Variants in PDSS2 observed in about 807,000 individuals in gnomAD.
PDSS2 encodes all trans-polyprenyl-diphosphate synthase PDSS2.
Under a neutral mutation model 44.5 loss-of-function variants are expected in PDSS2, and 31 were observed. The observed-to-expected ratio is 0.70, with a 90% confidence interval of 0.52 to 0.94. PDSS2 has a LOEUF of 0.94. Ranked by LOEUF, PDSS2 falls within the 40% of genes least tolerant of loss-of-function variation. The pLI is 0.00. For missense variants in PDSS2, 452 were observed against 482.2 expected, an observed-to-expected ratio of 0.94 and a Z score of 0.59; for synonymous variants, 157 against 180.3, an observed-to-expected ratio of 0.87 and a Z score of 1.03.
At chr6:107,347,320 T>C (rs951318531) in intron 1 of PDSS2, among the ~76,000 whole-genome samples, 2 of 141,294 alleles carry the variant, frequency 1.4e-5, no homozygotes, top group African/African-American at 2.7e-5. Context: ...TGGAGTGCAG[T>C]GGCGCGGTCT....
chr6:107,246,302 T>C (rs1774612866), intron 3 of PDSS2, among the ~76,000 whole-genome samples: 1 of 152,124 alleles, frequency 6.6e-6, no homozygotes, highest in African/African-American at 2.4e-5. Flanking sequence ...GTAAATGGTC[T>C]CTTTGGAACT....
At chr6:107,351,681 C>A (rs1778438485) in intron 1 of PDSS2, among the ~76,000 whole-genome samples, 1 of 152,116 alleles carries the variant, frequency 6.6e-6, no homozygotes, top group South Asian at 2.1e-4. Context: ...GTGCAAGCTA[C>A]TGCCTACATA....
At chr6:107,382,216 G>A (rs957839466) in intron 1 of PDSS2, among the ~76,000 whole-genome samples, 2 of 152,100 alleles carry the variant, frequency 1.3e-5, no homozygotes, top group African/African-American at 4.8e-5. Flanking sequence ...GTCAGGTGCG[G>A]GAGGTAAACA....
At chr6:107,310,337 T>C (rs1777003298) in intron 2 of PDSS2, among the ~76,000 whole-genome samples, 1 of 146,020 alleles carries the variant, frequency 6.8e-6, no homozygotes, top group South Asian at 2.2e-4. Context: ...TAAGACTCCC[T>C]CTCCCTGAGA....
intron 4 of PDSS2, among the ~76,000 whole-genome samples, chr6:107,244,029 G>A (rs1174396198): frequency 6.6e-6 from 1 of 152,216 alleles, no homozygotes; most frequent in Non-Finnish European, 1.5e-5. Flanking sequence ...TTGGGAGGCC[G>A]AGGCAGGATA....
At chr6:107,295,974 G>T (rs1776495727) in intron 2 of PDSS2, among the ~76,000 whole-genome samples, 1 of 152,120 alleles carries the variant, frequency 6.6e-6, no homozygotes, top group African/African-American at 2.4e-5. Flanking sequence ...TCAAGTAAGG[G>T]TATGTGAATT....
At chr6:107,327,632 T>C (rs1777589534) in intron 2 of PDSS2, among the ~76,000 whole-genome samples, 1 of 152,176 alleles carries the variant, frequency 6.6e-6, no homozygotes, top group South Asian at 2.1e-4. Context: ...AATTTTTTTG[T>C]ATTTTTAGTA....
At chr6:107,449,030 T>G (rs1024333145) in intron 1 of PDSS2, among the ~76,000 whole-genome samples, 7 of 152,200 alleles carry the variant, frequency 4.6e-5, no homozygotes, top group Non-Finnish European at 7.3e-5. Context: ...CAAGAGGAGA[T>G]TTGGGTGGGG....
At chr6:107,168,544 G>A (rs546799313) in intron 7 of PDSS2, among the ~76,000 whole-genome samples, 3 of 151,324 alleles carry the variant, frequency 2.0e-5, no homozygotes, top group Admixed American at 6.6e-5. Context: ...TATTTTGCTC[G>A]TTACTGGATG....
intron 1 of PDSS2, among the ~76,000 whole-genome samples, chr6:107,442,250 C>T (rs1174955590): frequency 3.3e-5 from 5 of 152,048 alleles, no homozygotes; most frequent in Non-Finnish European, 7.4e-5. Context: ...AACCCTATCT[C>T]TACTAAAAAT....
At chr6:107,245,444 AAGCCATGTACAATTTAAACAC>A in intron 4 of PDSS2, 83 bp downstream of exon 4, 1 of 394,862 alleles carries the variant, frequency 2.5e-6, no homozygotes, top group African/African-American at 2.2e-5. Context: ...AAAAAAAAAA[AAGCCATGTACAATTTAAACAC>A]AAAACAAGAA....
At position 107,334,335 on chromosome 6, in the gene PDSS2, GCCAACAAGC is replaced by G; in HGVS notation, c.297-12_297-4del. ...TCCAGCTGTCATGTACAAGCCCCCT[GCCAACAAGC>G]AAAGAAGGAAGAGGATTAATATACC... On this transcript the variant is annotated splice_region_variant and splice_polypyrimidine_tract_variant and intron_variant, in intron 1 of 7. Coordinates refer to ENST00000369037, the MANE Select transcript of PDSS2 (RefSeq NM_020381.4). 6.2e-7 allele frequency: 1 copy of G among 1,612,998 alleles called. No homozygotes were observed.
At chr6:107,301,009 A>G (rs1265231924) in intron 2 of PDSS2, among the ~76,000 whole-genome samples, 1 of 152,166 alleles carries the variant, frequency 6.6e-6, no homozygotes, top group African/African-American at 2.4e-5. Context: ...TGAAAGAGAA[A>G]TTTGTAGATG....
At chr6:107,438,773 C>T (rs112465030) in intron 1 of PDSS2, among the ~76,000 whole-genome samples, 1 of 152,164 alleles carries the variant, frequency 6.6e-6, no homozygotes, top group African/African-American at 2.4e-5. Context: ...TTTGAGCTAA[C>T]ATTAATTCTT....
In PDSS2 at chr6:107,458,048, T is replaced by C. The variant is rs556179030; in HGVS notation, c.296+942A>G. 4.0e-4 allele frequency among the ~76,000 whole-genome samples: 61 copies of C among 152,308 alleles called. No individual in the cohort carries two copies. The East Asian group carries it at 0.01, about 26-fold the overall frequency. The stretch of plus-strand genomic sequence containing the variant: ...TGTGTATATGTATTTAATGTATATA[T>C]TGACATATATAGACATATCTACGTA... On this transcript the variant is annotated intron_variant, in intron 1 of 7. Coordinates refer to ENST00000369037, the MANE Select transcript of PDSS2 (RefSeq NM_020381.4).
chr6:107,381,841 A>T (rs966325855), intron 1 of PDSS2, among the ~76,000 whole-genome samples: 1 of 152,254 alleles, frequency 6.6e-6, no homozygotes, highest in African/African-American at 2.4e-5. Context: ...TAAGATAAAA[A>T]GAGCTTATTG....
At chr6:107,173,572 CAAAAAAA>C (rs71012783) in intron 7 of PDSS2, among the ~76,000 whole-genome samples, 4 of 41,508 alleles carry the variant, frequency 9.6e-5, no homozygotes, top group Admixed American at 4.6e-4. Flanking sequence ...GACTCTGTCT[CAAAAAAA>C]AAAAAAAAAA....
chr6:107,331,654 G>C (rs1777715375), intron 2 of PDSS2, among the ~76,000 whole-genome samples: 2 of 152,224 alleles, frequency 1.3e-5, no homozygotes, highest in Admixed American at 1.3e-4. Context: ...TACACTTTGA[G>C]ATAAAAATGG....
intron 2 of PDSS2, among the ~76,000 whole-genome samples, chr6:107,287,206 ACATAC>A (rs1244224824): frequency 2.0e-5 from 3 of 152,214 alleles, no homozygotes; most frequent in African/African-American, 7.2e-5. Context: ...AAGCCCACAG[ACATAC>A]AATTTGGCAA....
Sources: gnomAD v4.1 joint callset for allele counts (sites outside exome capture counted in the v4.1 genomes callset) on GRCh38, gnomAD v4.1.1 for gene constraint, MANE v1.5 for transcripts, NCBI Gene and HGNC (gene_info 2026-07-23, HGNC 2026-07-21) for gene names.